The following DEFB119 variants were observed in gnomAD, a reference collection of about 807,000 sequenced individuals.
DEFB119 encodes defensin beta 119.
Under a neutral mutation model 2.5 loss-of-function variants are expected in DEFB119, and 3 were observed. The observed-to-expected ratio is 1.19, with a 90% CI of 0.54 to 3.07. DEFB119 has a LOEUF of 3.07. Ranked by LOEUF, DEFB119 falls within the 30% of genes most tolerant of loss-of-function variation. The probability of loss-of-function intolerance (pLI) is 0.03; values close to 1 mark genes in which losing one functional copy is unlikely to be tolerated. For missense variants in DEFB119, 113 were observed against 101.1 expected (o/e 1.12, Z -0.50); for synonymous variants, 29 against 33.7 (o/e 0.86, Z 0.48).
intron 1 of DEFB119, among the ~76,000 whole-genome samples, chr20:31,381,156 T>C (rs879826133): frequency 7.9e-5 from 12 of 152,220 alleles, no homozygotes; most frequent in Non-Finnish European, 1.5e-4. Context: ...CACTTAAGTG[T>C]TTTATTTTCT....
intron 1 of DEFB119, among the ~76,000 whole-genome samples, chr20:31,381,891 A>G (rs1299720049): frequency 6.6e-6 from 1 of 152,220 alleles, no homozygotes; most frequent in Non-Finnish European, 1.5e-5. Context: ...TTTACACAGC[A>G]ATGTCAAGTG....
At chr20:31,379,294 A>C (rs932177026) in intron 1 of DEFB119, among the ~76,000 whole-genome samples, 3 of 152,114 alleles carry the variant, frequency 2.0e-5, no homozygotes, top group Non-Finnish European at 4.4e-5. Context: ...AACTAAGAAA[A>C]AGTTTGGAAA....
chr20:31,384,416 C>T (rs1414581408), intron 1 of DEFB119, among the ~76,000 whole-genome samples: 1 of 151,804 alleles, frequency 6.6e-6, no homozygotes, highest in African/African-American at 2.4e-5. Context: ...AATATATACA[C>T]CTACTATTTA....
At chr20:31,389,318 G>C (rs924577305) in intron 1 of DEFB119, 19 of 1,573,514 alleles carry the variant, frequency 1.2e-5, no homozygotes, top group Non-Finnish European at 1.6e-5. Flanking sequence ...CAGGAGGACA[G>C]GGAAGAAGAG....
At chr20:31,390,322 G>T in intron 1 of DEFB119, 101 bp downstream of exon 1, 1 of 1,110,294 alleles carries the variant, frequency 9.0e-7, no homozygotes, top group Non-Finnish European at 1.4e-6. Context: ...GAAGCTGCAG[G>T]AGAGAAGGAA....
intron 1 of DEFB119, chr20:31,388,163 C>T (rs1281798235): frequency 2.0e-6 from 2 of 984,498 alleles, no homozygotes; most frequent in Non-Finnish European, 2.4e-6. Flanking sequence ...TTAAATGTTC[C>T]CCATGAGTGA....
intron 1 of DEFB119, 64 bp downstream of exon 1, chr20:31,390,359 A>T: frequency 6.8e-7 from 1 of 1,466,366 alleles, no homozygotes; most frequent in Non-Finnish European, 9.5e-7. Flanking sequence ...CCACAGTGAG[A>T]GGGAAGGGAA....
chr20:31,390,591 A>C, upstream of DEFB119: 2 of 1,056,168 alleles, frequency 1.9e-6, no homozygotes, highest in African/African-American at 1.6e-5. Context: ...GGCTGTGGGC[A>C]GTGAATTAGA....
chr20:31,387,795 A>G (rs533347318), intron 1 of DEFB119, among the ~76,000 whole-genome samples: 1 of 152,128 alleles, frequency 6.6e-6, no homozygotes, highest in Non-Finnish European at 1.5e-5. Context: ...TCAAAGCATG[A>G]CCCAGAAAGG....
intron 1 of DEFB119, among the ~76,000 whole-genome samples, chr20:31,380,820 A>G (rs1194525346): frequency 1.3e-5 from 2 of 152,154 alleles, no homozygotes; most frequent in East Asian, 3.8e-4. Flanking sequence ...AATCTCAATT[A>G]CTATTACTAT....
chr20:31,381,719 G>A (rs1986513116), intron 1 of DEFB119, among the ~76,000 whole-genome samples: 1 of 152,126 alleles, frequency 6.6e-6, no homozygotes, highest in Admixed American at 6.5e-5. Context: ...GCTGAGGTGG[G>A]AGGATCACTT....
intron 1 of DEFB119, among the ~76,000 whole-genome samples, chr20:31,377,898 G>A (rs1354072393): frequency 6.6e-6 from 1 of 152,120 alleles, no homozygotes; most frequent in Non-Finnish European, 1.5e-5. Context: ...GAACAATTTA[G>A]ACAATAACCA....
At chr20:31,390,032 C>CCT (rs1228370372) in intron 1 of DEFB119, among the ~76,000 whole-genome samples, 2 of 152,006 alleles carry the variant, frequency 1.3e-5, no homozygotes, top group Non-Finnish European at 2.9e-5. Context: ...AAGCCCAGCT[C>CCT]CTCACCTCCA....
intron 1 of DEFB119, among the ~76,000 whole-genome samples, chr20:31,378,936 G>A (rs1196264450): frequency 7.8e-6 from 1 of 128,042 alleles, no homozygotes; most frequent in Non-Finnish European, 1.7e-5. Context: ...GATGAAAAGT[G>A]GACACTTTTT....
chr20:31,389,303 A>G (rs1986837468), intron 1 of DEFB119: 1 of 1,595,494 alleles, frequency 6.3e-7, no homozygotes, highest in Admixed American at 1.7e-5. Context: ...AAGGCAGAGG[A>G]GGAACAGGAG....
intron 1 of DEFB119, 36 bp downstream of exon 1, chr20:31,390,387 C>T (rs889595302): frequency 1.3e-6 from 2 of 1,591,558 alleles, no homozygotes; most frequent in African/African-American, 2.7e-5. Flanking sequence ...AAGCCCATGA[C>T]CAGGAACCCA....
intron 1 of DEFB119, among the ~76,000 whole-genome samples, chr20:31,384,048 G>T (rs1227219055): frequency 6.6e-6 from 1 of 151,814 alleles, no homozygotes; most frequent in Non-Finnish European, 1.5e-5. Context: ...CCCAGTCTTG[G>T]GTATTTCTTC....
At chr20:31,378,485 A>T in intron 1 of DEFB119, 1 of 1,574,474 alleles carries the variant, frequency 6.4e-7, no homozygotes, top group Non-Finnish European at 8.6e-7. Context: ...TTCCAGCAAA[A>T]ATTACTCATC....
intron 1 of DEFB119, among the ~76,000 whole-genome samples, chr20:31,383,787 G>A (rs1451878600): frequency 6.6e-6 from 1 of 151,712 alleles, no homozygotes; most frequent in African/African-American, 2.4e-5. Context: ...AGCTTGCAGT[G>A]AGCCGAGATC....
Sources: gnomAD v4.1 joint callset for allele counts (sites outside exome capture counted in the v4.1 genomes callset) on GRCh38, gnomAD v4.1.1 for gene constraint, MANE v1.5 for transcripts, NCBI Gene and HGNC (gene_info 2026-07-23, HGNC 2026-07-21) for gene names.